The following CTNNA2 variants were observed in gnomAD, a reference collection of about 807,000 sequenced individuals.
CTNNA2 encodes the protein catenin alpha 2, also known as catenin alpha-2.
CTNNA2 carries 42 observed loss-of-function variants against 101.0 expected under a neutral mutation model. That is an observed-to-expected ratio of 0.42 (90% CI 0.32 to 0.54). CTNNA2 has a LOEUF of 0.54. CTNNA2 is among the 20% of genes least tolerant of loss of function. The pLI, the probability that CTNNA2 is intolerant of heterozygous loss-of-function variation, is 0.14. For missense variants in CTNNA2, 871 were observed against 1,223.1 expected (o/e 0.71, Z 4.29); for synonymous variants, 450 against 456.4 (o/e 0.99, Z 0.18).
chr2:80,037,809 A>G lies in CTNNA2; in HGVS notation c.1056+128012A>G, dbSNP rs547624233. ...ACTAAAAAAAATTAGTTTTCTTATC[A>G]AACACTGGGCAGGAAGGATGAACTT... On this transcript the variant is annotated intron_variant, in intron 7 of 18. Transcript: ENST00000402739. Among the ~76,000 whole-genome samples the G allele has an allele frequency of 4.6e-5, 7 of 152,318 alleles. No homozygotes were observed. In the South Asian group the frequency reaches 1.2e-3, roughly 27 times the overall value.
rs563804576 is a variant in CTNNA2 at position 80,105,246 on chromosome 2, G to T, written c.1056+195449G>T. Among the ~76,000 whole-genome samples the T allele has an allele frequency of 4.6e-5, 7 of 152,248 alleles. No homozygotes were observed. In the South Asian group the frequency reaches 1.5e-3, roughly 32 times the overall value. On this transcript the variant is annotated intron_variant, in intron 7 of 18. Transcript: ENST00000402739. Reference sequence around the variant, plus strand: ...AGTCATCGGCTCTCCAGGCCTACACGTGACAGGCCATTTCATGCCTCTCTG... The same window carrying T: ...AGTCATCGGCTCTCCAGGCCTACACTTGACAGGCCATTTCATGCCTCTCTG...
chr2:80,647,541 G>A, intron 18 of CTNNA2, 44 bp from the exon 19 acceptor site: 1 of 1,459,720 alleles, frequency 6.9e-7, no homozygotes, highest in African/African-American at 1.4e-5. Flanking sequence ...GTGAATTTGG[G>A]GCCTCCATTA....
intron 1 of CTNNA2, among the ~76,000 whole-genome samples, chr2:79,592,502 G>A (rs1676928915): frequency 6.6e-6 from 1 of 152,008 alleles, no homozygotes; most frequent in Non-Finnish European, 1.5e-5. Context: ...ATTTTTTATA[G>A]TGAAATTTTT....
At chr2:79,604,346 T>C (rs1013579333) in intron 1 of CTNNA2, among the ~76,000 whole-genome samples, 1 of 152,190 alleles carries the variant, frequency 6.6e-6, no homozygotes, top group Non-Finnish European at 1.5e-5. Context: ...CAGTAGCCAC[T>C]AGGCTTCAAT....
chr2:80,127,270 A>G (rs11126751), intron 7 of CTNNA2, among the ~76,000 whole-genome samples: 21,264 of 152,144 alleles, frequency 0.14, 1,691 homozygotes, highest in South Asian at 0.36. Flanking sequence ...CAAACAATAG[A>G]TTGTTAAATT....
intron 7 of CTNNA2, among the ~76,000 whole-genome samples, chr2:80,193,266 A>G (rs892734551): frequency 6.6e-6 from 1 of 152,194 alleles, no homozygotes; most frequent in East Asian, 1.9e-4. Context: ...TTCCACTTAC[A>G]TGTACATCAA....
At chr2:79,381,664 A>C (rs914216817) in intron 4 of CTNNA2, among the ~76,000 whole-genome samples, 5 of 152,182 alleles carry the variant, frequency 3.3e-5, no homozygotes, top group Non-Finnish European at 7.3e-5. Flanking sequence ...GAACTGACTA[A>C]GGTTTCCAGA....
chr2:80,346,278 G>A (rs1672727911), intron 7 of CTNNA2, among the ~76,000 whole-genome samples: 1 of 152,212 alleles, frequency 6.6e-6, no homozygotes, highest in Admixed American at 6.5e-5. Context: ...AGGAAGCATG[G>A]CTCTGGCCTC....
intron 7 of CTNNA2, among the ~76,000 whole-genome samples, chr2:80,285,841 G>A (rs1190152290): frequency 1.3e-5 from 2 of 152,200 alleles, no homozygotes; most frequent in Non-Finnish European, 2.9e-5. Flanking sequence ...TGACTTGTAT[G>A]ATAATAGTCA....
intron 1 of CTNNA2, among the ~76,000 whole-genome samples, chr2:79,619,928 A>C (rs1236094845): frequency 6.6e-6 from 1 of 152,130 alleles, no homozygotes; most frequent in Admixed American, 6.5e-5. Context: ...CTTGATTTTC[A>C]GATTTTCGTA....
chr2:80,641,372 A>C (rs1673465861), intron 18 of CTNNA2, among the ~76,000 whole-genome samples: 1 of 152,178 alleles, frequency 6.6e-6, no homozygotes, highest in Admixed American at 6.5e-5. Flanking sequence ...GTAGATGATC[A>C]GCTTTTTTGA....
At chr2:79,835,666 GTTTTTTTTTTTTTTTTTTTTTTT>G (rs70940048) in intron 3 of CTNNA2, among the ~76,000 whole-genome samples, 12 of 58,634 alleles carry the variant, frequency 2.0e-4, no homozygotes, top group South Asian at 1.6e-3. Context: ...GCCTCTCTTT[GTTTTTTTTTTTTTTTTTTTTTTT>G]TTTTTTTTTT....
intron 1 of CTNNA2, among the ~76,000 whole-genome samples, chr2:79,638,905 C>CT (rs1198025313): frequency 6.6e-6 from 1 of 152,152 alleles, no homozygotes; most frequent in Non-Finnish European, 1.5e-5. Context: ...ATCATGATTA[C>CT]TTTGTCTCCT....
In CTNNA2 at chr2:79,700,597, G is replaced by T. The variant is rs913792832; in HGVS notation, c.103-43790G>T. ...ACAACAACAACAAAAAAAGAGTAGC[G>T]ATTGGGATGCCATAAAATGAGCAAA... On this transcript the variant is annotated intron_variant, in intron 2 of 18. Coordinates refer to ENST00000402739, the MANE Select transcript of CTNNA2 (RefSeq NM_001282597.3). Among the ~76,000 whole-genome samples, 5 of 152,168 alleles carry T rather than the reference G, an allele frequency of 3.3e-5. No individual in the cohort carries two copies. The East Asian group carries it at 9.7e-4, about 29-fold the overall frequency.
chr2:80,563,033 T>A (rs1693746036), intron 12 of CTNNA2, among the ~76,000 whole-genome samples: 1 of 140,218 alleles, frequency 7.1e-6, no homozygotes, highest in African/African-American at 2.8e-5. Context: ...TAGTGCCTGT[T>A]TGTCAAAGTA....
chr2:80,607,259 C>A (rs1698108002), intron 16 of CTNNA2, among the ~76,000 whole-genome samples: 1 of 151,772 alleles, frequency 6.6e-6, no homozygotes, highest in Non-Finnish European at 1.5e-5. Context: ...ATGTCCTTTA[C>A]AAGTACCAAA....
intron 3 of CTNNA2, among the ~76,000 whole-genome samples, chr2:79,322,145 C>A (rs141263624): frequency 1.3e-5 from 2 of 152,294 alleles, no homozygotes; most frequent in East Asian, 1.9e-4. Flanking sequence ...TGGAAATGAT[C>A]CCCCAGTCCG....
intron 7 of CTNNA2, among the ~76,000 whole-genome samples, chr2:80,065,373 T>TC (rs1697913284): frequency 6.6e-6 from 1 of 151,828 alleles, no homozygotes; most frequent in African/African-American, 2.4e-5. Flanking sequence ...ATTTTTTTTT[T>TC]TTTTGAGATG....
intron 4 of CTNNA2, among the ~76,000 whole-genome samples, chr2:79,392,475 T>C (rs976305455): frequency 3.9e-5 from 6 of 152,242 alleles, no homozygotes; most frequent in Non-Finnish European, 5.9e-5. Flanking sequence ...TATTTTAGTT[T>C]ACCTGTGTGA....
Sources: allele counts gnomAD v4.1 joint callset (sites outside exome capture counted in the v4.1 genomes callset), GRCh38; gene constraint gnomAD v4.1.1; transcripts MANE v1.5; gene names NCBI Gene and HGNC (gene_info 2026-07-23, HGNC 2026-07-21).